Variants in CCNB1IP1 observed in about 807,000 individuals in gnomAD.
CCNB1IP1 encodes E3 ubiquitin-protein ligase CCNB1IP1.
In CCNB1IP1, 14 loss-of-function variants were observed where a neutral mutation model predicts 25.6. That is an observed-to-expected ratio of 0.55 (90% CI 0.36 to 0.85). The LOEUF (loss-of-function observed/expected upper bound fraction) is 0.85. Ranked by LOEUF, CCNB1IP1 falls within the 40% of genes least tolerant of loss-of-function variation. The pLI is 0.01. For missense variants in CCNB1IP1, 278 were observed against 342.4 expected (o/e 0.81, Z 1.48); for synonymous variants, 119 against 116.1 (o/e 1.02, Z -0.16).
At chr14:20,314,437 T>C (rs1029523633) in intron 5 of CCNB1IP1, 1 of 152,220 alleles carries the variant, frequency 6.6e-6, no homozygotes, top group Non-Finnish European at 1.5e-5. Context: ...AGACAGATCT[T>C]ATACTTTTCA....
rs371200534 is a variant in CCNB1IP1 at position 20,316,214 on chromosome 14, A to T, written c.297+13T>A. 2 of 1,603,144 alleles carry T rather than the reference A, an allele frequency of 1.2e-6. No individual in the cohort carries two copies. Among genetic ancestry groups the T allele is most frequent in the Non-Finnish European group, 8.5e-7 (1 of 1,171,394 alleles). On this transcript the variant is annotated intron_variant, in intron 5 of 6. Coordinates refer to ENST00000358932, the MANE Select transcript of CCNB1IP1 (RefSeq NM_021178.5). ...AAATCACATGCTCAAGAGAAACTAG[A>T]CTAAGCACTAACCTGATATGTCCAG...
chr14:20,317,042 G>A (rs1447834251), intron 4 of CCNB1IP1, among the ~76,000 whole-genome samples: 1 of 152,116 alleles, frequency 6.6e-6, no homozygotes, highest in Non-Finnish European at 1.5e-5. Context: ...CCGGGAGGCA[G>A]AGGTTGCAGT....
chr14:20,312,343 T>C (rs954142168), intron 6 of CCNB1IP1, among the ~76,000 whole-genome samples: 1 of 152,136 alleles, frequency 6.6e-6, no homozygotes, highest in Admixed American at 6.6e-5. Context: ...TTTATTCTTA[T>C]ATCTGATATT....
chr14:20,323,306 C>G (rs1218572320), intron 4 of CCNB1IP1: 2 of 152,102 alleles, frequency 1.3e-5, no homozygotes, highest in Admixed American at 6.6e-5. Context: ...AGGCTTCAAG[C>G]AGTGAGAGGA....
chr14:20,327,799 T>C (rs1214804964), intron 2 of CCNB1IP1, among the ~76,000 whole-genome samples: 2 of 151,904 alleles, frequency 1.3e-5, no homozygotes, highest in African/African-American at 4.8e-5. Flanking sequence ...AAATAAGTAG[T>C]AGAAAGCAAG....
At chr14:20,332,070 T>A (rs936758300) in intron 1 of CCNB1IP1, among the ~76,000 whole-genome samples, 14 of 115,304 alleles carry the variant, frequency 1.2e-4, no homozygotes, top group Non-Finnish European at 2.7e-4. Context: ...GTTTCGCTCT[T>A]GTTGCCCAGG....
chr14:20,322,605 T>TTATGTATATA (rs1223706739), intron 4 of CCNB1IP1, among the ~76,000 whole-genome samples: 1 of 147,736 alleles, frequency 6.8e-6, no homozygotes, highest in Non-Finnish European at 1.5e-5. Flanking sequence ...AAGAAAAGTT[T>TTATGTATATA]TATATATATA....
intron 1 of CCNB1IP1, among the ~76,000 whole-genome samples, chr14:20,332,261 A>C (rs1472031133): frequency 1.3e-4 from 19 of 151,894 alleles, no homozygotes; most frequent in Admixed American, 1.2e-3. Context: ...AATACCTATT[A>C]CTACATTCGA....
At chr14:20,322,210 G>GA (rs1276447883) in intron 4 of CCNB1IP1, among the ~76,000 whole-genome samples, 2 of 152,180 alleles carry the variant, frequency 1.3e-5, no homozygotes, top group Admixed American at 6.5e-5. Context: ...ATACCACAGT[G>GA]AATGTTCTAT....
chr14:20,322,125 T>C (rs1882913175), intron 4 of CCNB1IP1, among the ~76,000 whole-genome samples: 1 of 152,244 alleles, frequency 6.6e-6, no homozygotes, highest in Admixed American at 6.5e-5. Context: ...ATGTATCTAT[T>C]CCTCACATAA....
At chr14:20,327,867 G>A (rs1566405840) in intron 2 of CCNB1IP1, among the ~76,000 whole-genome samples, 1 of 152,108 alleles carries the variant, frequency 6.6e-6, no homozygotes. Flanking sequence ...CAAAAAGAGT[G>A]GGTCACAAGT....
intron 6 of CCNB1IP1, among the ~76,000 whole-genome samples, chr14:20,312,499 A>C (rs1882530403): frequency 6.6e-6 from 1 of 151,392 alleles, no homozygotes; most frequent in Non-Finnish European, 1.5e-5. Context: ...GCACCTGACC[A>C]CCTCATACTT....
chr14:20,314,759 A>T (rs1882620616), intron 5 of CCNB1IP1: 2 of 152,132 alleles, frequency 1.3e-5, no homozygotes, highest in African/African-American at 4.8e-5. Context: ...GATAAAAAGA[A>T]CACTTAAAAC....
chr14:20,330,344 A>G (rs1883198663), intron 1 of CCNB1IP1, among the ~76,000 whole-genome samples: 1 of 152,130 alleles, frequency 6.6e-6, no homozygotes, highest in South Asian at 2.1e-4. Flanking sequence ...AAAGGAGGAA[A>G]AGAGAGAGAG....
intron 4 of CCNB1IP1, among the ~76,000 whole-genome samples, chr14:20,325,099 C>G (rs1439805997): frequency 6.6e-6 from 1 of 151,586 alleles, no homozygotes; most frequent in East Asian, 2.0e-4. Flanking sequence ...AGGTGTGAGC[C>G]ACCACGCCTG....
At chr14:20,332,037 T>A (rs1238926922) in intron 1 of CCNB1IP1, among the ~76,000 whole-genome samples, 6 of 73,730 alleles carry the variant, frequency 8.1e-5, no homozygotes. Flanking sequence ...TTTTTTTTTT[T>A]TTTTTTTTTT....
intron 2 of CCNB1IP1, among the ~76,000 whole-genome samples, chr14:20,328,720 G>A (rs1883153184): frequency 6.6e-6 from 1 of 152,128 alleles, no homozygotes; most frequent in Admixed American, 6.5e-5. Flanking sequence ...TGGTCTTTTT[G>A]TTTTGACACA....
Position 20,313,689 on chromosome 14 carries a change from G to A in CCNB1IP1, c.410C>T (p.Thr137Ile). 2 of 1,614,062 alleles carry A rather than the reference G, an allele frequency of 1.2e-6. No homozygotes were observed. The highest frequency in any genetic ancestry group is 1.1e-5 in the South Asian group (1 of 91,068). The change falls in exon 6 of 7, where the codon ACC (threonine) becomes ATC (isoleucine). Residue 137 changes from threonine to isoleucine, a missense_variant. Thr to Ile is a moderately conservative substitution (Grantham distance 89, BLOSUM62 -1). Transcript: ENST00000358932. ...GGAGGTAACCTCCCCTTTCATAGAG[G>A]TCAATTCTACATCCTTGCTTTGTAT... ...QQIQSKDVELTSMKGEVTSMK... is the reference protein window; with the variant it reads ...QQIQSKDVELISMKGEVTSMK...
rs993330959 is a variant in CCNB1IP1, at chr14:20,311,475, C to T, written c.*75G>A. On this transcript the variant is annotated 3_prime_UTR_variant, in exon 7 of 7. Coordinates refer to ENST00000358932, the MANE Select transcript of CCNB1IP1 (RefSeq NM_021178.5). ...TCTTAGATCACTAAAGCCTCAGACT[C>T]CTGGGCTCAAGTGATCCTCCCAGCC... is the stretch of plus-strand genomic sequence containing the variant. 2 of 1,300,288 alleles carry T rather than the reference C, an allele frequency of 1.5e-6. No individual in the cohort carries two copies. Among genetic ancestry groups the T allele is most frequent in the Non-Finnish European group, 2.2e-6 (2 of 899,362 alleles). 80.5% of individuals were successfully genotyped at this position (1,300,288 alleles called of 1,614,324 possible). A position where few individuals can be genotyped will look rare whatever the true frequency, so the allele number is the denominator to read the frequency against.
Sources: gnomAD v4.1 joint callset for allele counts (sites outside exome capture counted in the v4.1 genomes callset) on GRCh38, gnomAD v4.1.1 for gene constraint, MANE v1.5 for transcripts, NCBI Gene and HGNC (gene_info 2026-07-23, HGNC 2026-07-21) for gene names.